The following MAGI2 variants were observed in gnomAD, a reference collection of about 807,000 sequenced individuals.
MAGI2 encodes membrane-associated guanylate kinase, WW and PDZ domain-containing protein 2.
A neutral mutation model predicts 133.3 loss-of-function variants in MAGI2; 35 were observed. The observed-to-expected ratio is 0.26, with a 90% CI of 0.20 to 0.35. MAGI2 has a LOEUF of 0.35. MAGI2 is among the 10% of genes least tolerant of loss of function. The probability of loss-of-function intolerance (pLI) is 1.00; values close to 1 mark genes in which losing one functional copy is unlikely to be tolerated. For missense variants in MAGI2, 1,636 were observed against 1,863.4 expected, an observed-to-expected ratio of 0.88 and a Z score of 2.25; for synonymous variants, 729 against 710.6, an observed-to-expected ratio of 1.03 and a Z score of -0.41.
chr7:78,619,560 C>A (rs1480949430), intron 3 of MAGI2, among the ~76,000 whole-genome samples: 1 of 151,784 alleles, frequency 6.6e-6, no homozygotes, highest in African/African-American at 2.4e-5. Context: ...TTATGTCAGT[C>A]CTTCTAGTCT....
chr7:79,058,912 T>C (rs1373294017), intron 1 of MAGI2, among the ~76,000 whole-genome samples: 1 of 152,082 alleles, frequency 6.6e-6, no homozygotes, highest in Non-Finnish European at 1.5e-5. Flanking sequence ...AAGGGACAAA[T>C]AATAGCATTT....
intron 2 of MAGI2, among the ~76,000 whole-genome samples, chr7:78,975,014 G>A (rs28373503): frequency 0.045 from 6,841 of 151,456 alleles, 463 homozygotes; most frequent in African/African-American, 0.15. Flanking sequence ...CTAACCAAAG[G>A]CCATCAAAAT....
intron 1 of MAGI2, among the ~76,000 whole-genome samples, chr7:79,408,814 A>G (rs1349576244): frequency 6.6e-6 from 1 of 152,164 alleles, no homozygotes; most frequent in Non-Finnish European, 1.5e-5. Context: ...AGGGTTTAAG[A>G]TGATACTGCC....
At chr7:78,108,731 C>T (rs1057112406) in intron 20 of MAGI2, among the ~76,000 whole-genome samples, 5 of 125,856 alleles carry the variant, frequency 4.0e-5, no homozygotes, top group Admixed American at 8.0e-5. Flanking sequence ...TGTGTGTATA[C>T]ACACACATAT....
chr7:78,865,405 T>A (rs1334580960), intron 2 of MAGI2, among the ~76,000 whole-genome samples: 1 of 152,104 alleles, frequency 6.6e-6, no homozygotes, highest in Non-Finnish European at 1.5e-5. Context: ...AATATAGAGT[T>A]GGAATTGTGA....
intron 1 of MAGI2, among the ~76,000 whole-genome samples, chr7:79,063,694 A>G (rs921803899): frequency 6.6e-6 from 1 of 152,072 alleles, no homozygotes. Context: ...CCTTTAGGAT[A>G]TTACCATACC....
chr7:78,788,383 C>T (rs1165799710), intron 2 of MAGI2, among the ~76,000 whole-genome samples: 4 of 152,116 alleles, frequency 2.6e-5, no homozygotes, highest in Non-Finnish European at 5.9e-5. Flanking sequence ...TTTCATCTTT[C>T]CCATAGCTTT....
intron 10 of MAGI2, among the ~76,000 whole-genome samples, chr7:78,210,522 G>T (rs1248398791): frequency 1.3e-5 from 2 of 152,180 alleles, no homozygotes; most frequent in African/African-American, 4.8e-5. Flanking sequence ...GGCAAAATAA[G>T]TCGGAGGTGC....
chr7:78,149,801 A>G (rs1239818732), intron 16 of MAGI2, among the ~76,000 whole-genome samples: 1 of 152,208 alleles, frequency 6.6e-6, no homozygotes, highest in African/African-American at 2.4e-5. Context: ...CACTCTTGAA[A>G]GCAGATGGTT....
intron 1 of MAGI2, chr7:79,351,816 A>G (rs2129110437): frequency 6.6e-6 from 1 of 152,318 alleles, no homozygotes; most frequent in Non-Finnish European, 1.5e-5. Flanking sequence ...TCTTTCTTCC[A>G]TTACTTCAAT....
chr7:78,922,110 G>A (rs1336469571), intron 2 of MAGI2, among the ~76,000 whole-genome samples: 1 of 148,826 alleles, frequency 6.7e-6, no homozygotes. Flanking sequence ...GTTATGCCAT[G>A]GAGTACACTT....
intron 2 of MAGI2, among the ~76,000 whole-genome samples, chr7:78,662,563 T>C (rs1813086799): frequency 6.6e-6 from 1 of 152,196 alleles, no homozygotes. Context: ...GTGTGTATTA[T>C]CATCTAATTG....
At chr7:79,444,878 C>A (rs1438658488) in intron 1 of MAGI2, among the ~76,000 whole-genome samples, 2 of 152,130 alleles carry the variant, frequency 1.3e-5, no homozygotes, top group Admixed American at 1.3e-4. Flanking sequence ...GCCAAAAGAA[C>A]AAAGCTGGAG....
intron 13 of MAGI2, among the ~76,000 whole-genome samples, chr7:78,182,020 T>C (rs3807668): frequency 0.72 from 108,890 of 152,106 alleles, 40,983 homozygotes; most frequent in Non-Finnish European, 0.84. Flanking sequence ...TAATTTGGCA[T>C]ATGGGATGCT....
At chr7:78,180,924 ATTTTTTTTTTTTT>A (rs371615787) in intron 13 of MAGI2, among the ~76,000 whole-genome samples, 24 of 108,014 alleles carry the variant, frequency 2.2e-4, no homozygotes, top group African/African-American at 9.0e-4. Flanking sequence ...AGGCAGCAGT[ATTTTTTTTTTTTT>A]TTTTTTTTTT....
rs1033255787 is a variant in MAGI2, at chr7:79,102,383, G to A, written c.302-95177C>T. 5.9e-5 allele frequency among the ~76,000 whole-genome samples: 9 copies of A among 152,206 alleles called. No individual in the cohort carries two copies. The East Asian group carries it at 1.7e-3, about 29-fold the overall frequency. On this transcript the variant is annotated intron_variant, in intron 1 of 21. Transcript: ENST00000354212. ...CTTTAGCTGCTGCCTAAATCAAACGGTAAGCAAATTCTAGATCTTTTATTT... is the reference window on the plus strand; with the variant it reads ...CTTTAGCTGCTGCCTAAATCAAACGATAAGCAAATTCTAGATCTTTTATTT...
chr7:78,727,852 ACG>A (rs2151216702), intron 2 of MAGI2, among the ~76,000 whole-genome samples: 1 of 152,310 alleles, frequency 6.6e-6, no homozygotes, highest in East Asian at 1.9e-4. Context: ...TCATTATTTT[ACG>A]CTCTGGGGAT....
chr7:78,225,190 T>C (rs1451360104), intron 10 of MAGI2, among the ~76,000 whole-genome samples: 1 of 152,178 alleles, frequency 6.6e-6, no homozygotes. Context: ...CTTGAATTCT[T>C]ACCCCCTTAT....
At chr7:79,001,839 C>T (rs976981751) in intron 2 of MAGI2, among the ~76,000 whole-genome samples, 2 of 152,146 alleles carry the variant, frequency 1.3e-5, no homozygotes, top group Non-Finnish European at 2.9e-5. Flanking sequence ...TGAAACAATC[C>T]TGTTTAATCA....
Sources: gnomAD v4.1 joint callset for allele counts (sites outside exome capture counted in the v4.1 genomes callset) on GRCh38, gnomAD v4.1.1 for gene constraint, MANE v1.5 for transcripts, NCBI Gene and HGNC (gene_info 2026-07-23, HGNC 2026-07-21) for gene names.